Variants in SGPP2 observed in about 807,000 individuals in gnomAD.
SGPP2 encodes sphingosine-1-phosphate phosphatase 2, also known as sphingosine 1-phosphate phosphohydrolase 2.
SGPP2 carries 30 observed loss-of-function variants against 33.9 expected under a neutral mutation model. The ratio of observed to expected loss-of-function variants is 0.89; its 90% CI spans 0.66 to 1.20. SGPP2 has a LOEUF of 1.20. Among genes scored for constraint, SGPP2 ranks in the 50% most tolerant of loss-of-function variants. The probability of loss-of-function intolerance (pLI) is 0.00; values close to 1 mark genes in which losing one functional copy is unlikely to be tolerated. For missense variants in SGPP2, 458 were observed against 532.1 expected, an observed-to-expected ratio of 0.86 and a Z score of 1.37; for synonymous variants, 233 against 225.0, an observed-to-expected ratio of 1.04 and a Z score of -0.32.
At chr2:222,481,117 A>G (rs1191076349) in intron 2 of SGPP2, among the ~76,000 whole-genome samples, 6 of 152,222 alleles carry the variant, frequency 3.9e-5, no homozygotes, top group African/African-American at 7.2e-5. Context: ...GGAGAGCATC[A>G]GGAAGAATAG....
intron 4 of SGPP2, among the ~76,000 whole-genome samples, chr2:222,555,894 C>A (rs1356349163): frequency 6.6e-6 from 1 of 152,162 alleles, no homozygotes; most frequent in South Asian, 2.1e-4. Context: ...AAATAACAGT[C>A]CTGCAGTTCA....
intron 4 of SGPP2, among the ~76,000 whole-genome samples, chr2:222,536,541 A>G (rs940756202): frequency 6.6e-6 from 1 of 152,134 alleles, no homozygotes; most frequent in Non-Finnish European, 1.5e-5. Flanking sequence ...TTAGCCAGGC[A>G]TGGTAGCAGG....
chr2:222,462,846 A>G (rs1697684721), intron 1 of SGPP2, among the ~76,000 whole-genome samples: 1 of 152,114 alleles, frequency 6.6e-6, no homozygotes. Context: ...AAAAACAAAC[A>G]AACAAAAATT....
At chr2:222,431,507 G>A (rs988201107) in intron 1 of SGPP2, among the ~76,000 whole-genome samples, 2 of 151,800 alleles carry the variant, frequency 1.3e-5, no homozygotes, top group African/African-American at 4.8e-5. Context: ...CTTGCCCCCC[G>A]CCCCCCGCTC....
chr2:222,541,590 ACT>A (rs1698997550), intron 4 of SGPP2, among the ~76,000 whole-genome samples: 2 of 125,396 alleles, frequency 1.6e-5, no homozygotes, highest in Non-Finnish European at 3.4e-5. Flanking sequence ...AAATAAGAAA[ACT>A]ATTTTATTTA....
intron 4 of SGPP2, among the ~76,000 whole-genome samples, chr2:222,546,536 T>A (rs967139878): frequency 6.6e-6 from 1 of 152,194 alleles, no homozygotes; most frequent in Non-Finnish European, 1.5e-5. Flanking sequence ...TAGTTCCTAG[T>A]ATGTAGAAGG....
chr2:222,525,079 T>G (rs1374989458), intron 4 of SGPP2, 46 bp downstream of exon 4: 1 of 1,377,044 alleles, frequency 7.3e-7, no homozygotes, highest in Non-Finnish European at 1.0e-6. Context: ...TGAATGATAT[T>G]GTGGTCAGTG....
Position 222,558,551 on chromosome 2 carries a change from G to A in SGPP2, c.853G>A (p.Ala285Thr). ...ADTTTILAAG[A>T]GVTIGFWINH... ...CACCACCACCATTCTGGCTGCCGGG[G>A]CTGGAGTGACCATAGGATTCTGGAT... The change falls in exon 5 of 5, where the codon GCT becomes ACT. Residue 285 changes from alanine (A) to threonine (T), a missense_variant. Ala to Thr is a moderately conservative substitution (Grantham distance 58). Coordinates refer to ENST00000321276, the MANE Select transcript of SGPP2 (RefSeq NM_152386.4). 1 of 1,614,176 alleles carries A rather than the reference G, an allele frequency of 6.2e-7. No individual in the cohort carries two copies. Among genetic ancestry groups the A allele is most frequent in the Non-Finnish European group, 8.5e-7 (1 of 1,180,034 alleles).
rs1283450460 is a variant in SGPP2 at position 222,550,555 on chromosome 2, T to C, written c.649-7792T>C. On this transcript the variant is annotated intron_variant, in intron 4 of 4. Transcript: ENST00000321276. This position sits in a 1 kb window ranked among gnomAD's most constrained non-coding sequence, Gnocchi z 4.5. ...TTAGGATCATACTTTCTGTAAAGCT[T>C]GTATTCTGTTTAAAACATCTCACTT... Among the ~76,000 whole-genome samples the C allele has an allele frequency of 6.6e-6, 1 of 152,250 alleles. No homozygotes were observed. Among genetic ancestry groups the C allele is most frequent in the Admixed American group, 6.5e-5 (1 of 15,290 alleles).
intron 2 of SGPP2, among the ~76,000 whole-genome samples, chr2:222,498,745 G>A (rs1698321709): frequency 1.3e-5 from 2 of 152,160 alleles, no homozygotes; most frequent in South Asian, 4.1e-4. Context: ...AAGAAAAACA[G>A]AAATAGGATA....
At chr2:222,471,889 G>A (rs1348993921) in intron 1 of SGPP2, among the ~76,000 whole-genome samples, 1 of 152,114 alleles carries the variant, frequency 6.6e-6, no homozygotes, top group African/African-American at 2.4e-5. Flanking sequence ...GGGTGACCAT[G>A]TTATTGTTTT....
At chr2:222,495,200 G>T (rs570301642) in intron 2 of SGPP2, among the ~76,000 whole-genome samples, 1 of 152,154 alleles carries the variant, frequency 6.6e-6, no homozygotes, top group Non-Finnish European at 1.5e-5. Context: ...GATTGCTTGA[G>T]GCCAGGAGTT....
At chr2:222,455,508 G>A (rs966081195) in intron 1 of SGPP2, among the ~76,000 whole-genome samples, 47 of 152,186 alleles carry the variant, frequency 3.1e-4, no homozygotes, top group South Asian at 1.0e-3. Flanking sequence ...TAGGAGAGAG[G>A]AGCAGAGGTC....
chr2:222,439,311 T>C (rs1383757770), intron 1 of SGPP2, among the ~76,000 whole-genome samples: 7 of 152,136 alleles, frequency 4.6e-5, no homozygotes, highest in Admixed American at 4.6e-4. Flanking sequence ...TTCAAGGTGT[T>C]CTGGGTCTGT....
intron 2 of SGPP2, among the ~76,000 whole-genome samples, chr2:222,503,276 C>T (rs1490313517): frequency 1.3e-5 from 2 of 152,138 alleles, no homozygotes; most frequent in African/African-American, 4.8e-5. Flanking sequence ...GTAGCTAAAA[C>T]TATATGTTAA....
intron 1 of SGPP2, among the ~76,000 whole-genome samples, chr2:222,446,986 A>G (rs1348290028): frequency 6.6e-6 from 1 of 152,218 alleles, no homozygotes; most frequent in Non-Finnish European, 1.5e-5. Flanking sequence ...TGAAATTTTT[A>G]TTCTTTTCTC....
In SGPP2 at chr2:222,561,608, G is replaced by A. The variant is rs941317034; in HGVS notation, c.*2710G>A. Among the ~76,000 whole-genome samples the A allele has an allele frequency of 2.6e-5, 4 of 150,996 alleles. No homozygotes were observed. The highest frequency in any genetic ancestry group is 5.9e-5 in the Non-Finnish European group (4 of 67,828). ...TTTAAGTCCCAACAATAGGAAGGCCGATCAGCTATATTGATATATTTAAGG... is the reference window on the plus strand; with the variant it reads ...TTTAAGTCCCAACAATAGGAAGGCCAATCAGCTATATTGATATATTTAAGG... On this transcript the variant is annotated 3_prime_UTR_variant, in exon 5 of 5. Coordinates refer to ENST00000321276, the MANE Select transcript of SGPP2 (RefSeq NM_152386.4).
intron 2 of SGPP2, among the ~76,000 whole-genome samples, chr2:222,496,575 C>T (rs1369669827): frequency 1.3e-5 from 2 of 152,192 alleles, no homozygotes; most frequent in East Asian, 3.8e-4. Flanking sequence ...CATGTAATGT[C>T]TAAGCACCTT....
intron 2 of SGPP2, among the ~76,000 whole-genome samples, chr2:222,489,857 C>T (rs576581786): frequency 3.9e-5 from 6 of 151,984 alleles, no homozygotes; most frequent in South Asian, 2.1e-4. Context: ...CCCAGCTACT[C>T]GGGAGGCTGA....
Sources: gnomAD v4.1 joint callset for allele counts (sites outside exome capture counted in the v4.1 genomes callset) on GRCh38, gnomAD v4.1.1 for gene constraint, Gnocchi (gnomAD v3.1) non-coding constraint, MANE v1.5 for transcripts, NCBI Gene and HGNC (gene_info 2026-07-23, HGNC 2026-07-21) for gene names.